IFT140: variants seen among roughly 807,000 people sequenced by gnomAD.
IFT140 encodes the protein intraflagellar transport 140.
In IFT140, 133 loss-of-function variants were observed where a neutral mutation model predicts 164.6. That is an observed-to-expected ratio of 0.81 (90% confidence interval 0.70 to 0.93). The LOEUF (loss-of-function observed/expected upper bound fraction) is 0.93, where lower values mean the gene tolerates loss of function less well. Ranked by LOEUF, IFT140 falls within the 40% of genes least tolerant of loss-of-function variation. The pLI is 0.00. For synonymous variants in IFT140, 860 were observed against 817.3 expected (o/e 1.05, Z -0.89); for missense variants, 2,045 against 1,972.3 (o/e 1.04, Z -0.70).
chr16:1,559,134 T>A (rs74381546), intron 18 of IFT140, among the ~76,000 whole-genome samples: 2 of 152,198 alleles, frequency 1.3e-5, no homozygotes, highest in Non-Finnish European at 2.9e-5. Flanking sequence ...CTGGGGCCCA[T>A]CTGCAGGGTG....
At chr16:1,590,462 C>A (rs1373505439) in intron 6 of IFT140, among the ~76,000 whole-genome samples, 1 of 152,152 alleles carries the variant, frequency 6.6e-6, no homozygotes, top group Non-Finnish European at 1.5e-5. Flanking sequence ...GTCCTTTCTG[C>A]CCTGGGTGTC....
At chr16:1,597,154 C>G (rs536705722) in intron 4 of IFT140, among the ~76,000 whole-genome samples, 20 of 152,190 alleles carry the variant, frequency 1.3e-4, no homozygotes, top group African/African-American at 4.1e-4. Context: ...CATCAGGGTG[C>G]GCGTCAGGTG....
intron 3 of IFT140, among the ~76,000 whole-genome samples, chr16:1,605,475 G>A (rs1596467302): frequency 2.6e-5 from 4 of 152,012 alleles, no homozygotes; most frequent in Admixed American, 1.3e-4. Flanking sequence ...GCGTGATCTC[G>A]GCTCACAGCA....
rs1178640606 is a variant in IFT140, at chr16:1,510,505, G to A, written c.*439C>T. Reference sequence around the variant, plus strand: ...GCAGAGCCTAGCAGGGGGTGCAGCCGCCAAGGCCCGGGTGTCCCAGCTGTT... The same window carrying A: ...GCAGAGCCTAGCAGGGGGTGCAGCCACCAAGGCCCGGGTGTCCCAGCTGTT... On this transcript the variant is annotated 3_prime_UTR_variant, in exon 31 of 31. Coordinates refer to ENST00000426508, the MANE Select transcript of IFT140 (RefSeq NM_014714.4). The A allele has an allele frequency of 2.5e-5, 6 of 238,554 alleles. No individual in the cohort carries two copies. Among genetic ancestry groups the A allele is most frequent in the Non-Finnish European group, 4.1e-5 (5 of 121,354 alleles). 14.8% of individuals were successfully genotyped at this position (238,554 alleles called of 1,614,324 possible).
Position 1,553,238 on chromosome 16 carries a change from G to GTCTGTCTCTGTC in IFT140, c.2399+4685_2399+4696dup. The GTCTGTCTCTGTC allele has an allele frequency of 1.2e-5, 12 of 974,422 alleles. No homozygotes were observed. Among genetic ancestry groups the GTCTGTCTCTGTC allele is most frequent in the Non-Finnish European group, 1.3e-5 (11 of 820,228 alleles). The allele number at this position is 974,422 out of a possible 1,614,324, so 60.4% of individuals were successfully genotyped here. A position where few individuals can be genotyped will look rare whatever the true frequency, so the allele number is the denominator to read the frequency against. On this transcript the variant is annotated intron_variant, in intron 19 of 30. Transcript: ENST00000426508. The surrounding 1 kb of genome is among the most constrained non-coding windows in gnomAD (Gnocchi z 4.4). ...TCTCTCTGTCTCCATCTGTCTCTGT[G>GTCTGTCTCTGTC]TCTGTCTCTGTCTCTCTGTATCTCT... is the stretch of plus-strand genomic sequence containing the variant.
intron 10 of IFT140, 89 bp downstream of exon 10, chr16:1,586,041 G>C (rs1477122296): frequency 6.6e-7 from 1 of 1,515,454 alleles, no homozygotes; most frequent in Non-Finnish European, 9.1e-7. Context: ...AAAGTGCTGG[G>C]ATTACAGGCG....
intron 13 of IFT140, among the ~76,000 whole-genome samples, chr16:1,575,740 A>T (rs1214316378): frequency 6.8e-6 from 1 of 147,982 alleles, no homozygotes; most frequent in African/African-American, 2.5e-5. Context: ...GGCCTCTCCC[A>T]GCAGGCCATT....
chr16:1,529,655 A>T (rs2030227928), intron 19 of IFT140, among the ~76,000 whole-genome samples: 1 of 152,238 alleles, frequency 6.6e-6, no homozygotes, highest in Non-Finnish European at 1.5e-5. Flanking sequence ...AGGAAGTCAC[A>T]TCTTTACAAT....
At chr16:1,593,503 G>A (rs1255105275) in intron 4 of IFT140, among the ~76,000 whole-genome samples, 1 of 152,006 alleles carries the variant, frequency 6.6e-6, no homozygotes. Flanking sequence ...GTAGAGACAG[G>A]GTTTCACCAT....
chr16:1,539,774 G>A (rs544780897), intron 19 of IFT140, among the ~76,000 whole-genome samples: 14 of 152,304 alleles, frequency 9.2e-5, no homozygotes, highest in South Asian at 4.1e-4. Flanking sequence ...GCCTGTCTGC[G>A]GGCAGGCAGC....
rs758890033 is a variant in IFT140 at position 1,524,691 on chromosome 16, G to A, written c.3002C>T (p.Ala1001Val). 18 of 1,573,884 alleles carry A rather than the reference G, an allele frequency of 1.1e-5. No homozygotes were observed. Among genetic ancestry groups the A allele is most frequent in the Non-Finnish European group, 1.4e-5 (16 of 1,154,438 alleles). ...GTTTCCTGTCTCGTTGGCTATTTGC[G>A]CAGCCTAGAAAGACAAAGAACCCAA... ...HCFQGNVQKA[A>V]QIANETGNLA... Residue 1001 changes from alanine to valine, a missense_variant, in exon 24 of 31, where the codon GCG becomes GTG. Ala to Val is a moderately conservative substitution (Grantham distance 64, BLOSUM62 0). Coordinates refer to ENST00000426508, the MANE Select transcript of IFT140 (RefSeq NM_014714.4).
chr16:1,568,917 C>G (rs2033868484), intron 14 of IFT140, among the ~76,000 whole-genome samples: 1 of 152,028 alleles, frequency 6.6e-6, no homozygotes. Flanking sequence ...ACACACTGAG[C>G]TATTTAACTC....
At chr16:1,511,811 C>T (rs919015395) in intron 30 of IFT140, among the ~76,000 whole-genome samples, 1 of 151,360 alleles carries the variant, frequency 6.6e-6, no homozygotes, top group African/African-American at 2.4e-5. Context: ...ATGTGCCAGG[C>T]GCTGTGCTGG....
chr16:1,552,956 A>C (rs1041797821), intron 19 of IFT140: 1 of 984,936 alleles, frequency 1.0e-6, no homozygotes, highest in African/African-American at 1.7e-5. Context: ...CCTTGTCTAG[A>C]ATGTTATTTT....
intron 24 of IFT140, 80 bp from the exon 25 acceptor site, chr16:1,524,036 T>C (rs2040601215): frequency 3.2e-6 from 5 of 1,542,732 alleles, no homozygotes; most frequent in Non-Finnish European, 4.4e-6. Flanking sequence ...TGTGGCCGGG[T>C]GCGAACCCGC....
At chr16:1,549,306 T>C (rs1340649406) in intron 19 of IFT140, among the ~76,000 whole-genome samples, 1 of 152,258 alleles carries the variant, frequency 6.6e-6, no homozygotes, top group Non-Finnish European at 1.5e-5. Context: ...GACCTAGAAT[T>C]TTCCCATCTG....
intron 19 of IFT140, chr16:1,555,136 T>A: frequency 7.3e-7 from 1 of 1,368,552 alleles, no homozygotes; most frequent in Non-Finnish European, 9.8e-7. Context: ...AGGCACGGGA[T>A]GAGTCTGGGT....
chr16:1,592,491 A>G lies in IFT140; in HGVS notation c.467T>C (p.Ile156Thr). The G allele has an allele frequency of 6.2e-7, 1 of 1,614,240 alleles. No individual in the cohort carries two copies. The highest frequency in any genetic ancestry group is 8.5e-7 in the Non-Finnish European group (1 of 1,180,044). The change falls in exon 5 of 31, where the codon ATC becomes ACC. Residue 156 changes from isoleucine (I) to threonine (T), a missense_variant. Physicochemically the swap from Ile to Thr is moderately conservative, Grantham distance 89. Transcript: ENST00000426508. ...CTCGCCAGGAGGGGGGAGCCGGAAG[A>G]TGCAGTGCGTGAGGTGTTTCCCATA... Reference protein sequence around the residue: ...HEYGKHLTHCIFRLPPPGEDL... With the variant: ...HEYGKHLTHCTFRLPPPGEDL...
chr16:1,548,466 T>C (rs1331119989), intron 19 of IFT140, among the ~76,000 whole-genome samples: 1 of 152,220 alleles, frequency 6.6e-6, no homozygotes, highest in Non-Finnish European at 1.5e-5. Flanking sequence ...GAAGAGGTTG[T>C]TTGCTTTGGC....
Sources: gnomAD v4.1 joint callset for allele counts (sites outside exome capture counted in the v4.1 genomes callset) on GRCh38, gnomAD v4.1.1 for gene constraint, Gnocchi (gnomAD v3.1) non-coding constraint, MANE v1.5 for transcripts, NCBI Gene and HGNC (gene_info 2026-07-23, HGNC 2026-07-21) for gene names.